Variants in DLG2 observed in about 807,000 individuals in gnomAD.
DLG2 encodes discs large MAGUK scaffold protein 2.
Under a neutral mutation model 132.5 loss-of-function variants are expected in DLG2, and 45 were observed. That is an observed-to-expected ratio of 0.34 (90% CI 0.27 to 0.44). The LOEUF is 0.44. Ranked by LOEUF, DLG2 falls within the 20% of genes least tolerant of loss-of-function variation. The pLI is 1.00. For synonymous variants in DLG2, 424 were observed against 419.6 expected, an observed-to-expected ratio of 1.01 and a Z score of -0.13; for missense variants, 1,045 against 1,196.9, an observed-to-expected ratio of 0.87 and a Z score of 1.87.
intron 6 of DLG2, among the ~76,000 whole-genome samples, chr11:84,590,079 T>C (rs1458045582): frequency 2.6e-5 from 4 of 152,204 alleles, no homozygotes; most frequent in Non-Finnish European, 5.9e-5. Context: ...ACATGACATG[T>C]CAACTTGTAT....
Position 84,368,444 on chromosome 11 carries a change from G to A in DLG2, c.520-117153C>T, listed in dbSNP as rs1039989089. Among the ~76,000 whole-genome samples, 9 of 151,894 alleles carry A rather than the reference G, an allele frequency of 5.9e-5. No individual in the cohort carries two copies. The East Asian group carries it at 1.2e-3, about 20-fold the overall frequency. The stretch of plus-strand genomic sequence containing the variant: ...AAGGATTTGAGATTTCAAGATAAAC[G>A]GTCACTAAAAATAGCATGTGCTCAA... On this transcript the variant is annotated intron_variant, in intron 7 of 27. Transcript: ENST00000376104.
chr11:83,463,178 G>A (rs1253822034), intron 26 of DLG2, among the ~76,000 whole-genome samples: 4 of 151,560 alleles, frequency 2.6e-5, no homozygotes, highest in African/African-American at 7.3e-5. Flanking sequence ...AGAACTCAAG[G>A]TTTTGGTTTT....
chr11:84,917,136 C>A (rs1166441121), intron 6 of DLG2, among the ~76,000 whole-genome samples: 1 of 152,124 alleles, frequency 6.6e-6, no homozygotes, highest in African/African-American at 2.4e-5. Flanking sequence ...AGATTATTGT[C>A]TGTTTTATTT....
chr11:84,977,671 T>C (rs764565873), intron 6 of DLG2, among the ~76,000 whole-genome samples: 3 of 152,206 alleles, frequency 2.0e-5, no homozygotes, highest in South Asian at 4.1e-4. Flanking sequence ...ATAGCATCAA[T>C]TGTGTCCTTA....
chr11:85,626,054 C>A (rs546598486), intron 2 of DLG2, among the ~76,000 whole-genome samples: 2 of 152,206 alleles, frequency 1.3e-5, no homozygotes, highest in Non-Finnish European at 2.9e-5. Flanking sequence ...TGGAAAAGCA[C>A]AATAGTCACG....
At position 84,707,638 on chromosome 11, in the gene DLG2, A is replaced by T. The variant is rs573005142; in HGVS notation, c.358-172907T>A. ...GGTCAGAAGCCAGAGGAAAGAAGAGACCAATATCTGAAGTCCTTCAGCTCT... is the reference window on the plus strand; with the variant it reads ...GGTCAGAAGCCAGAGGAAAGAAGAGTCCAATATCTGAAGTCCTTCAGCTCT... On this transcript the variant is annotated intron_variant, in intron 6 of 27. Coordinates refer to ENST00000376104, the MANE Select transcript of DLG2 (RefSeq NM_001142699.3). Among the ~76,000 whole-genome samples the T allele has an allele frequency of 5.9e-5, 9 of 151,934 alleles. No homozygotes were observed. In the South Asian group the frequency reaches 1.2e-3, roughly 21 times the overall value.
intron 7 of DLG2, among the ~76,000 whole-genome samples, chr11:84,359,348 C>G (rs1418538479): frequency 6.6e-6 from 1 of 151,794 alleles, no homozygotes. Flanking sequence ...TCTTAACACC[C>G]CATCTCTGCT....
At chr11:83,470,617 C>T (rs1044199620) in intron 24 of DLG2, among the ~76,000 whole-genome samples, 3 of 152,170 alleles carry the variant, frequency 2.0e-5, no homozygotes, top group African/African-American at 7.2e-5. Flanking sequence ...TTCATTTGCT[C>T]CTTCCTGTCT....
intron 7 of DLG2, among the ~76,000 whole-genome samples, chr11:84,444,490 T>C (rs979184997): frequency 1.3e-5 from 2 of 152,174 alleles, no homozygotes; most frequent in Admixed American, 1.3e-4. Context: ...TATTTACTTA[T>C]TTATTTACTT....
At chr11:85,128,941 C>T (rs576509263) in intron 5 of DLG2, among the ~76,000 whole-genome samples, 11 of 152,240 alleles carry the variant, frequency 7.2e-5, no homozygotes, top group South Asian at 6.2e-4. Flanking sequence ...TTACATACTC[C>T]ACCACAACAT....
At chr11:85,366,398 C>G (rs1416716797) in intron 3 of DLG2, among the ~76,000 whole-genome samples, 1 of 151,846 alleles carries the variant, frequency 6.6e-6, no homozygotes, top group Admixed American at 6.6e-5. Flanking sequence ...AATTATTACT[C>G]TAGAGGATTA....
In DLG2 at chr11:84,726,826, G is replaced by T. The variant is rs186143132; in HGVS notation, c.358-192095C>A. On this transcript the variant is annotated intron_variant, in intron 6 of 27. Transcript: ENST00000376104. ...CCATTCTGACTGGCATGAGATGGTGGTTTTGATTTGCATTTCTCTAATAAC... is the reference window on the plus strand; with the variant it reads ...CCATTCTGACTGGCATGAGATGGTGTTTTTGATTTGCATTTCTCTAATAAC... 2.1e-3 allele frequency among the ~76,000 whole-genome samples: 316 copies of T among 151,458 alleles called. 2 individuals are homozygous for T. Among genetic ancestry groups the T allele is most frequent in the African/African-American group, 7.5e-3 (309 of 41,392 alleles).
chr11:85,187,500 A>AG (rs1193616542), intron 4 of DLG2, among the ~76,000 whole-genome samples: 1 of 152,180 alleles, frequency 6.6e-6, no homozygotes, highest in Non-Finnish European at 1.5e-5. Context: ...ATATCGAATT[A>AG]GAAAAAAAAG....
At chr11:84,579,274 A>T (rs2099510908) in intron 6 of DLG2, among the ~76,000 whole-genome samples, 1 of 151,696 alleles carries the variant, frequency 6.6e-6, no homozygotes, top group Admixed American at 6.6e-5. Flanking sequence ...AAAAGGGTTC[A>T]TGATTTTTCT....
intron 3 of DLG2, among the ~76,000 whole-genome samples, chr11:85,457,265 G>T (rs904889730): frequency 2.0e-5 from 3 of 148,178 alleles, no homozygotes; most frequent in Admixed American, 6.8e-5. Context: ...TTTTCCATTT[G>T]CTTGGTAGTT....
chr11:85,309,250 C>A (rs1413617743), intron 3 of DLG2, among the ~76,000 whole-genome samples: 1 of 152,084 alleles, frequency 6.6e-6, no homozygotes, highest in African/African-American at 2.4e-5. Context: ...ACCTCCCAAC[C>A]AATCTAAGTC....
chr11:84,054,867 C>T (rs1387205556), intron 11 of DLG2, among the ~76,000 whole-genome samples: 2 of 151,806 alleles, frequency 1.3e-5, no homozygotes, highest in Non-Finnish European at 2.9e-5. Flanking sequence ...AAACACAATC[C>T]CCAAACTGAA....
chr11:84,934,794 T>C lies in DLG2; in HGVS notation c.357+176867A>G, dbSNP rs534141701. On this transcript the variant is annotated intron_variant, in intron 6 of 27. Coordinates refer to ENST00000376104, the MANE Select transcript of DLG2 (RefSeq NM_001142699.3). ...CCCGAGTTCCTTAAGACTCAGACTT[T>C]GTTTCTCTTGTTTTTCCATTTCATA... is the stretch of plus-strand genomic sequence containing the variant. Among the ~76,000 whole-genome samples, 35 of 152,076 alleles carry C rather than the reference T, an allele frequency of 2.3e-4. No homozygotes were observed. The South Asian group carries it at 5.6e-3, about 24-fold the overall frequency.
intron 6 of DLG2, among the ~76,000 whole-genome samples, chr11:84,705,283 T>A (rs2059669018): frequency 6.6e-6 from 1 of 151,716 alleles, no homozygotes; most frequent in African/African-American, 2.4e-5. Flanking sequence ...TCCCCTGGAC[T>A]ATCTCATGCC....
Sources: gnomAD v4.1 joint callset for allele counts (sites outside exome capture counted in the v4.1 genomes callset) on GRCh38, gnomAD v4.1.1 for gene constraint, MANE v1.5 for transcripts, NCBI Gene and HGNC (gene_info 2026-07-23, HGNC 2026-07-21) for gene names.